The following NAALADL2 variants were observed in gnomAD, a reference collection of about 807,000 sequenced individuals.
NAALADL2 encodes the protein N-acetylated alpha-linked acidic dipeptidase like 2, also known as inactive N-acetylated-alpha-linked acidic dipeptidase-like protein 2.
In NAALADL2, 76 loss-of-function variants were observed where a neutral mutation model predicts 87.2. The observed-to-expected ratio is 0.87, with a 90% confidence interval of 0.72 to 1.05. The LOEUF is 1.05. Among genes scored for constraint, NAALADL2 ranks in the 50% least tolerant of loss-of-function variants. The pLI is 0.00. For missense variants in NAALADL2, 1,089 were observed against 945.8 expected (o/e 1.15, Z -1.99); for synonymous variants, 354 against 331.0 (o/e 1.07, Z -0.75).
chr3:175,435,974 A>G (rs1324095644), intron 5 of NAALADL2, among the ~76,000 whole-genome samples: 2 of 143,396 alleles, frequency 1.4e-5, no homozygotes, highest in Non-Finnish European at 3.0e-5. Flanking sequence ...AGCATTAGGT[A>G]TATCTCCCAA....
intron 4 of NAALADL2, among the ~76,000 whole-genome samples, chr3:175,323,890 C>T (rs549372690): frequency 2.6e-5 from 4 of 151,268 alleles, no homozygotes; most frequent in Admixed American, 6.6e-5. Flanking sequence ...TGGTGGCAGG[C>T]GCCTGTGGTC....
chr3:175,506,180 A>C (rs2149381932), intron 9 of NAALADL2, among the ~76,000 whole-genome samples: 1 of 152,342 alleles, frequency 6.6e-6, no homozygotes, highest in Admixed American at 6.5e-5. Context: ...AAAATAAAAT[A>C]AAATAAAATA....
At chr3:175,181,333 G>A (rs1736431855) in intron 2 of NAALADL2, among the ~76,000 whole-genome samples, 1 of 151,876 alleles carries the variant, frequency 6.6e-6, no homozygotes. Flanking sequence ...ACAAAGTGAT[G>A]TTATGATACA....
intron 5 of NAALADL2, among the ~76,000 whole-genome samples, chr3:175,346,577 T>C (rs549237109): frequency 2.0e-5 from 3 of 151,708 alleles, no homozygotes; most frequent in Admixed American, 2.0e-4. Context: ...GGGGTCAACA[T>C]TATGTTTATT....
chr3:174,621,895 G>A (rs557747909), intron 2 of NAALADL2, among the ~76,000 whole-genome samples: 6 of 152,244 alleles, frequency 3.9e-5, no homozygotes, highest in South Asian at 2.1e-4. Context: ...AGTTGCAGTC[G>A]TCATCCAGTA....
chr3:175,299,036 G>A (rs565890268), intron 4 of NAALADL2, among the ~76,000 whole-genome samples: 49 of 152,034 alleles, frequency 3.2e-4, no homozygotes, highest in African/African-American at 9.2e-4. Context: ...CAGAAAATGC[G>A]GAACAACTTA....
At chr3:174,627,741 A>G (rs1721718149) in intron 2 of NAALADL2, among the ~76,000 whole-genome samples, 1 of 152,216 alleles carries the variant, frequency 6.6e-6, no homozygotes, top group East Asian at 1.9e-4. Context: ...GGCACACAGT[A>G]CCACAATACT....
intron 2 of NAALADL2, among the ~76,000 whole-genome samples, chr3:174,610,143 C>T (rs907124726): frequency 1.3e-4 from 20 of 149,316 alleles, no homozygotes; most frequent in Non-Finnish European, 2.4e-4. Context: ...CCCTTCCTTA[C>T]ACTTTATACA....
intron 1 of NAALADL2, among the ~76,000 whole-genome samples, chr3:174,922,178 T>C (rs936406707): frequency 2.0e-5 from 3 of 151,964 alleles, no homozygotes; most frequent in Admixed American, 6.6e-5. Flanking sequence ...GGCATGATGT[T>C]GTACACCTGT....
intron 9 of NAALADL2, among the ~76,000 whole-genome samples, chr3:175,479,853 T>C (rs904852453): frequency 3.3e-5 from 5 of 151,726 alleles, no homozygotes; most frequent in Admixed American, 6.6e-5. Flanking sequence ...TTAAGCTATT[T>C]TAATCCTGAA....
rs535361941 is a variant in NAALADL2 at position 174,821,638 on chromosome 3, C to T, written c.-9+83892C>T. 3.3e-5 allele frequency among the ~76,000 whole-genome samples: 5 copies of T among 152,264 alleles called. No individual in the cohort carries two copies. The South Asian group carries it at 1.0e-3, about 32-fold the overall frequency. ...GAGATTTGGGCAATTACACAGAGTT[C>T]TGACTTCCCAGAGGACTCAGTGGTT... On this transcript the variant is annotated intron_variant, in intron 3 of 3. Coordinates refer to the NAALADL2 transcript ENST00000434257.
intron 3 of NAALADL2, among the ~76,000 whole-genome samples, chr3:174,780,886 C>A (rs977862168): frequency 7.9e-5 from 12 of 152,008 alleles, no homozygotes; most frequent in Non-Finnish European, 1.8e-4. Flanking sequence ...ATGGTCTTTA[C>A]AATTTCGTAT....
intron 2 of NAALADL2, among the ~76,000 whole-genome samples, chr3:175,219,766 C>T (rs1265086568): frequency 6.6e-6 from 1 of 151,700 alleles, no homozygotes; most frequent in Admixed American, 6.6e-5. Context: ...GAACAATTGA[C>T]ATCTTTACAA....
intron 5 of NAALADL2, among the ~76,000 whole-genome samples, chr3:175,413,215 A>G (rs563654423): frequency 2.8e-5 from 4 of 144,542 alleles, no homozygotes; most frequent in Admixed American, 1.3e-4. Flanking sequence ...TGGCTAACAC[A>G]GTGAAACCCA....
At chr3:174,493,848 A>G (rs1360852924) in intron 1 of NAALADL2, among the ~76,000 whole-genome samples, 1 of 152,202 alleles carries the variant, frequency 6.6e-6, no homozygotes, top group African/African-American at 2.4e-5. Flanking sequence ...CCTTGAAGAG[A>G]TCAGATTCTA....
chr3:175,717,803 ATTTTTTTTTT>A (rs10575051), intron 11 of NAALADL2, among the ~76,000 whole-genome samples: 2 of 117,882 alleles, frequency 1.7e-5, no homozygotes, highest in East Asian at 4.9e-4. Flanking sequence ...AAGAGAGCAG[ATTTTTTTTTT>A]TTTTTTTTTT....
intron 10 of NAALADL2, among the ~76,000 whole-genome samples, chr3:175,585,280 T>A (rs1020272549): frequency 8.5e-5 from 13 of 152,174 alleles, no homozygotes; most frequent in African/African-American, 3.1e-4. Flanking sequence ...ATCATTGTAC[T>A]CTTATGGGAG....
At chr3:175,316,428 G>A (rs528431067) in intron 4 of NAALADL2, among the ~76,000 whole-genome samples, 1 of 152,104 alleles carries the variant, frequency 6.6e-6, no homozygotes, top group African/African-American at 2.4e-5. Flanking sequence ...CGTTGAGCAT[G>A]GCAAAGGACC....
At position 175,183,250 on chromosome 3, in the gene NAALADL2, A is replaced by T. The variant is rs1736854741; in HGVS notation, c.546-50681A>T. On this transcript the variant is annotated intron_variant, in intron 2 of 13. Transcript: ENST00000454872. ...CTCCCGGTTAGATTTATTCCTAAGT[A>T]TTTTTTTTTGTAATTATTGTAAATG... 5.3e-5 allele frequency among the ~76,000 whole-genome samples: 8 copies of T among 150,020 alleles called. No individual in the cohort carries two copies. The South Asian group carries it at 1.7e-3, about 31-fold the overall frequency.
Sources: gnomAD v4.1 joint callset for allele counts (sites outside exome capture counted in the v4.1 genomes callset) on GRCh38, gnomAD v4.1.1 for gene constraint, MANE v1.5 for transcripts, NCBI Gene and HGNC (gene_info 2026-07-23, HGNC 2026-07-21) for gene names.